HS2ST1: variants seen among roughly 807,000 people sequenced by gnomAD.
HS2ST1 encodes 2-O-sulfotransferase.
HS2ST1 carries 18 observed loss-of-function variants against 42.9 expected under a neutral mutation model. The observed-to-expected ratio is 0.42, with a 90% confidence interval of 0.29 to 0.62. The LOEUF (loss-of-function observed/expected upper bound fraction) is 0.62. HS2ST1 is among the 20% of genes least tolerant of loss of function. The probability of loss-of-function intolerance (pLI) is 0.21; values close to 1 mark genes in which losing one functional copy is unlikely to be tolerated. For missense variants in HS2ST1, 334 were observed against 433.8 expected, an observed-to-expected ratio of 0.77 and a Z score of 2.04; for synonymous variants, 146 against 152.9, an observed-to-expected ratio of 0.95 and a Z score of 0.33.
intron 1 of HS2ST1, among the ~76,000 whole-genome samples, chr1:87,047,735 G>C (rs1285439400): frequency 6.6e-6 from 1 of 152,022 alleles, no homozygotes; most frequent in African/African-American, 2.4e-5. Context: ...TTGTATCCAA[G>C]TTTTTCTAAA....
intron 1 of HS2ST1, among the ~76,000 whole-genome samples, 178 bp downstream of exon 1, chr1:86,915,338 G>T (rs1660122842): frequency 6.6e-6 from 1 of 152,236 alleles, no homozygotes; most frequent in Non-Finnish European, 1.5e-5. Flanking sequence ...GTTGAATTAA[G>T]CTTGAGCGGC....
At chr1:87,052,471 G>T (rs1369326286) in intron 1 of HS2ST1, among the ~76,000 whole-genome samples, 1 of 152,150 alleles carries the variant, frequency 6.6e-6, no homozygotes, top group Non-Finnish European at 1.5e-5. Context: ...AGGGTGTGGG[G>T]CAATGACCAT....
intron 1 of HS2ST1, among the ~76,000 whole-genome samples, chr1:86,976,872 T>C (rs968352059): frequency 6.6e-6 from 1 of 151,286 alleles, no homozygotes; most frequent in African/African-American, 2.4e-5. Context: ...GAAGTTCCAG[T>C]CCAGCCTGGG....
intron 3 of HS2ST1, among the ~76,000 whole-genome samples, chr1:87,084,836 G>GTCACTCACTCACTCAC (rs66857719): frequency 1.4e-5 from 2 of 143,054 alleles, no homozygotes; most frequent in African/African-American, 5.2e-5. Context: ...CTCCCTCCCT[G>GTCACTCACTCACTCAC]TCACTCACTC....
In HS2ST1 at chr1:87,061,870, A is replaced by G. The variant is rs116426361; in HGVS notation, c.125-11064A>G. ...TCCCCTCCAGCAATGTATGAGGGTT[A>G]CAATTTGTCACTTCCTCACTAACAT... On this transcript the variant is annotated intron_variant, in intron 1 of 6. Coordinates refer to ENST00000370550, the MANE Select transcript of HS2ST1 (RefSeq NM_012262.4). Among the ~76,000 whole-genome samples the G allele has an allele frequency of 2.1e-3, 313 of 151,264 alleles. 1 individual carries two copies. Among genetic ancestry groups the G allele is most frequent in the African/African-American group, 7.3e-3 (301 of 41,312 alleles).
intron 5 of HS2ST1, among the ~76,000 whole-genome samples, chr1:87,101,004 G>A (rs576037045): frequency 6.6e-6 from 1 of 152,220 alleles, no homozygotes; most frequent in East Asian, 1.9e-4. Flanking sequence ...CCTTTAAAAT[G>A]TAAGTTCCAA....
chr1:86,987,440 T>C (rs1019852505), intron 1 of HS2ST1, among the ~76,000 whole-genome samples: 1 of 152,050 alleles, frequency 6.6e-6, no homozygotes, highest in Non-Finnish European at 1.5e-5. Flanking sequence ...TTTTAAAGCA[T>C]AGAGAATTGT....
intron 1 of HS2ST1, among the ~76,000 whole-genome samples, chr1:86,966,168 T>C (rs1648040370): frequency 6.6e-6 from 1 of 152,222 alleles, no homozygotes; most frequent in Admixed American, 6.5e-5. Flanking sequence ...ATCAGAGAGC[T>C]CCTCCTTCCA....
chr1:87,018,333 T>C (rs939832519), intron 1 of HS2ST1, among the ~76,000 whole-genome samples: 1 of 152,216 alleles, frequency 6.6e-6, no homozygotes, highest in Non-Finnish European at 1.5e-5. Context: ...GCTTCTTTAC[T>C]AGTTTTTGAG....
intron 1 of HS2ST1, among the ~76,000 whole-genome samples, chr1:86,982,817 A>G (rs946314118): frequency 5.9e-5 from 9 of 152,186 alleles, no homozygotes; most frequent in South Asian, 4.2e-4. Context: ...CCTGGCCGCC[A>G]TGTCACCTCT....
intron 3 of HS2ST1, among the ~76,000 whole-genome samples, chr1:87,090,604 T>A (rs1250434500): frequency 6.6e-6 from 1 of 152,054 alleles, no homozygotes; most frequent in Admixed American, 6.6e-5. Context: ...GTAGCCCCTC[T>A]GTTTATTCCA....
intron 1 of HS2ST1, among the ~76,000 whole-genome samples, chr1:87,022,422 C>G (rs998177771): frequency 5.3e-5 from 8 of 152,144 alleles, no homozygotes. Context: ...CCATAAAAAA[C>G]ACAGAGCTTG....
chr1:87,081,074 G>T (rs767633196), intron 2 of HS2ST1, among the ~76,000 whole-genome samples: 34 of 152,262 alleles, frequency 2.2e-4, no homozygotes, highest in Non-Finnish European at 4.7e-4. Flanking sequence ...AATATTACTA[G>T]AGCTAAAGAG....
rs966969970 is a variant in HS2ST1, at chr1:87,109,433, A to G, written c.*4737A>G. The stretch of plus-strand genomic sequence containing the variant: ...TTCAGATGGAAAACTTACAAAATAT[A>G]TACTTAATTAGAAGAAAAAAATAGA... On this transcript the variant is annotated 3_prime_UTR_variant, in exon 7 of 7. Transcript: ENST00000370550. 6.6e-6 allele frequency: 1 copy of G among 152,144 alleles called. No homozygotes were observed. Among genetic ancestry groups the G allele is most frequent in the African/African-American group, 2.4e-5 (1 of 41,452 alleles). 9.4% of individuals were successfully genotyped at this position (152,144 alleles called of 1,614,324 possible).
At chr1:87,048,059 A>T (rs1418938055) in intron 1 of HS2ST1, among the ~76,000 whole-genome samples, 1 of 152,158 alleles carries the variant, frequency 6.6e-6, no homozygotes, top group African/African-American at 2.4e-5. Flanking sequence ...TTCAATCATG[A>T]ATGTGGCATA....
intron 1 of HS2ST1, among the ~76,000 whole-genome samples, chr1:87,055,896 G>C (rs995447437): frequency 2.0e-5 from 3 of 152,146 alleles, no homozygotes; most frequent in Non-Finnish European, 4.4e-5. Flanking sequence ...ACTATTTTGT[G>C]TATGTCCTTA....
intron 1 of HS2ST1, among the ~76,000 whole-genome samples, chr1:87,058,606 A>G (rs909964599): frequency 6.6e-6 from 1 of 151,652 alleles, no homozygotes; most frequent in Non-Finnish European, 1.5e-5. Flanking sequence ...GACTTGAAAC[A>G]TTAATTACTG....
chr1:86,959,198 C>T (rs762132892), intron 1 of HS2ST1, among the ~76,000 whole-genome samples: 5 of 152,182 alleles, frequency 3.3e-5, no homozygotes, highest in Non-Finnish European at 7.3e-5. Context: ...TGTCCCCTCT[C>T]ACTACTCTTC....
intron 1 of HS2ST1, among the ~76,000 whole-genome samples, chr1:86,963,432 C>T (rs1647914515): frequency 6.6e-6 from 1 of 152,068 alleles, no homozygotes; most frequent in South Asian, 2.1e-4. Context: ...TCCATTTAAC[C>T]CTGAGTGGAC....
Sources: gnomAD v4.1 joint callset for allele counts (sites outside exome capture counted in the v4.1 genomes callset) on GRCh38, gnomAD v4.1.1 for gene constraint, MANE v1.5 for transcripts, NCBI Gene and HGNC (gene_info 2026-07-23, HGNC 2026-07-21) for gene names.